The following UBE2J1 variants were observed in gnomAD, a reference collection of about 807,000 sequenced individuals.
UBE2J1 encodes the protein ubiquitin conjugating enzyme E2 J1.
Under a neutral mutation model 42.1 loss-of-function variants are expected in UBE2J1, and 17 were observed. The ratio of observed to expected loss-of-function variants is 0.40; its 90% confidence interval spans 0.28 to 0.61. The LOEUF (loss-of-function observed/expected upper bound fraction) is 0.61. Among genes scored for constraint, UBE2J1 ranks in the 20% least tolerant of loss-of-function variants. The pLI, the probability that UBE2J1 is intolerant of heterozygous loss-of-function variation, is 0.38. For missense variants in UBE2J1, 291 were observed against 389.4 expected (o/e 0.75, Z 2.13); for synonymous variants, 127 against 137.2 (o/e 0.93, Z 0.52).
At chr6:89,346,792 C>T (rs1190550808) in intron 1 of UBE2J1, among the ~76,000 whole-genome samples, 1 of 152,170 alleles carries the variant, frequency 6.6e-6, no homozygotes, top group African/African-American at 2.4e-5. Context: ...GTTGAGTCTC[C>T]TTGCTCTATG....
At chr6:89,351,068 T>TC (rs1768466467) in intron 1 of UBE2J1, among the ~76,000 whole-genome samples, 1 of 125,050 alleles carries the variant, frequency 8.0e-6, no homozygotes. Context: ...CCCGGGATTC[T>TC]CTTTTTTTTT....
At position 89,327,109 on chromosome 6, in the gene UBE2J1, G is replaced by A. The variant is rs182947183; in HGVS notation, c.*2570C>T. 13 of 152,304 alleles carry A rather than the reference G, an allele frequency of 8.5e-5. No homozygotes were observed. The East Asian group carries it at 1.7e-3, about 20-fold the overall frequency. The allele number at this position is 152,304 out of a possible 1,614,324, so 9.4% of individuals were successfully genotyped here. ...ATAAAACAATAAGCAGCATGAAAAC[G>A]TAAAGTGCTACATAAAAGCCCCACA... On this transcript the variant is annotated 3_prime_UTR_variant, in exon 8 of 8. Coordinates refer to ENST00000435041, the MANE Select transcript of UBE2J1 (RefSeq NM_016021.3).
chr6:89,347,435 C>T (rs1392136919), intron 1 of UBE2J1, among the ~76,000 whole-genome samples: 1 of 152,166 alleles, frequency 6.6e-6, no homozygotes, highest in African/African-American at 2.4e-5. Context: ...ATTTTCTCTG[C>T]CTCTTCCCTA....
intron 5 of UBE2J1, 143 bp downstream of exon 5, chr6:89,338,062 C>G (rs1768143429): frequency 1.8e-6 from 1 of 546,256 alleles, no homozygotes; most frequent in Admixed American, 3.6e-5. Flanking sequence ...AACTGAATTC[C>G]TAAAAGAGCA....
chr6:89,339,912 A>C (rs1370826851), intron 3 of UBE2J1, among the ~76,000 whole-genome samples: 1 of 151,954 alleles, frequency 6.6e-6, no homozygotes, highest in East Asian at 1.9e-4. Context: ...GCTACTCAGG[A>C]GGCTGACGTG....
chr6:89,330,236 A>G (rs1385461690), intron 7 of UBE2J1, among the ~76,000 whole-genome samples: 1 of 152,190 alleles, frequency 6.6e-6, no homozygotes, highest in Non-Finnish European at 1.5e-5. Context: ...ATTTTAACAC[A>G]TACGCTTAAT....
At chr6:89,345,475 G>A (rs1220058226) in intron 1 of UBE2J1, among the ~76,000 whole-genome samples, 4 of 152,222 alleles carry the variant, frequency 2.6e-5, no homozygotes, top group Middle Eastern at 3.4e-3. Flanking sequence ...GGTGGCGGAC[G>A]CCTGTAATCC....
At position 89,352,618 on chromosome 6, in the gene UBE2J1, C is replaced by T. The variant is rs1419884454; in HGVS notation, c.-49G>A. 5.3e-6 allele frequency: 8 copies of T among 1,523,092 alleles called. No homozygotes were observed. The highest frequency in any genetic ancestry group is 7.0e-6 in the Non-Finnish European group (8 of 1,142,262). The allele number at this position is 1,523,092 out of a possible 1,614,324, so 94.3% of individuals were successfully genotyped here. A position where few individuals can be genotyped will look rare whatever the true frequency, so the allele number is the denominator to read the frequency against. On this transcript the variant is annotated 5_prime_UTR_variant, in exon 1 of 8. Coordinates refer to ENST00000435041, the MANE Select transcript of UBE2J1 (RefSeq NM_016021.3). Reference sequence around the variant, plus strand: ...GCCTCCCGGGCCGCTGCCACCTCCTCTCCACGCGGCCGCTGCCCGGGTCTC... The same window carrying T: ...GCCTCCCGGGCCGCTGCCACCTCCTTTCCACGCGGCCGCTGCCCGGGTCTC...
At chr6:89,334,537 T>C (rs1171362361) in intron 6 of UBE2J1, among the ~76,000 whole-genome samples, 1 of 151,086 alleles carries the variant, frequency 6.6e-6, no homozygotes, top group Non-Finnish European at 1.5e-5. Context: ...AATGGCGCGA[T>C]CTCGGCTCAC....
At chr6:89,339,952 G>C (rs982760317) in intron 3 of UBE2J1, among the ~76,000 whole-genome samples, 2 of 151,880 alleles carry the variant, frequency 1.3e-5, no homozygotes, top group African/African-American at 4.8e-5. Flanking sequence ...GGACATCAAG[G>C]CTGCAGTGAG....
intron 1 of UBE2J1, among the ~76,000 whole-genome samples, chr6:89,348,512 T>C (rs969684782): frequency 1.7e-4 from 26 of 152,210 alleles, no homozygotes; most frequent in African/African-American, 4.1e-4. Context: ...AAGGAAGGCA[T>C]GCTCCCTAAC....
intron 2 of UBE2J1, among the ~76,000 whole-genome samples, chr6:89,342,845 T>C (rs1018027523): frequency 1.3e-5 from 2 of 152,342 alleles, no homozygotes; most frequent in East Asian, 1.9e-4. Flanking sequence ...TTATCCCTTA[T>C]AGATGCCTAA....
chr6:89,342,089 A>T (rs979886465), intron 3 of UBE2J1, among the ~76,000 whole-genome samples: 1 of 152,188 alleles, frequency 6.6e-6, no homozygotes. Context: ...AATTCATTGA[A>T]TCCTAACAAC....
intron 3 of UBE2J1, among the ~76,000 whole-genome samples, chr6:89,338,943 G>T (rs1395995207): frequency 6.6e-6 from 1 of 152,002 alleles, no homozygotes; most frequent in Non-Finnish European, 1.5e-5. Context: ...GGGATTACAG[G>T]CATGAGCCAC....
intron 1 of UBE2J1, 120 bp downstream of exon 1, chr6:89,352,419 G>C (rs528484019): frequency 8.5e-7 from 1 of 1,175,370 alleles, no homozygotes; most frequent in Non-Finnish European, 1.2e-6. Context: ...GTCTCGCGTA[G>C]AGCGCGAAAC....
In UBE2J1 at chr6:89,338,513, T is replaced by C; in HGVS notation, c.268A>G (p.Ile90Val). The C allele has an allele frequency of 6.3e-7, 1 of 1,594,218 alleles. No individual in the cohort carries two copies. The highest frequency in any genetic ancestry group is 8.5e-7 in the Non-Finnish European group (1 of 1,174,562). Residue 90 changes from isoleucine to valine, a missense_variant, in exon 4 of 8, where the codon ATC becomes GTC. Coordinates refer to ENST00000435041, the MANE Select transcript of UBE2J1 (RefSeq NM_016021.3). ...ANGRFEVGKK[I>V]CLSISGHHPE... ...TGATGGCCTGAGATGCTCAAACAGA[T>C]TTTCTTGCCCACTTCAAATCGACCA...
Position 89,343,601 on chromosome 6 carries a change from A to C in UBE2J1, c.105+82T>G. ...AACTACATCACACACATCTGTAATG[A>C]CTCAAAGCAATGAAAAGCAATTTTA... On this transcript the variant is annotated intron_variant, in intron 2 of 7. Coordinates refer to ENST00000435041, the MANE Select transcript of UBE2J1 (RefSeq NM_016021.3). 5.2e-6 allele frequency: 5 copies of C among 967,850 alleles called. No individual in the cohort carries two copies. The South Asian group carries it at 7.9e-5, about 15-fold the overall frequency. The allele number at this position is 967,850 out of a possible 1,614,324, so 60.0% of individuals were successfully genotyped here. A position where few individuals can be genotyped will look rare whatever the true frequency, so the allele number is the denominator to read the frequency against.
At chr6:89,344,259 C>T (rs1012087466) in intron 1 of UBE2J1, among the ~76,000 whole-genome samples, 11 of 152,174 alleles carry the variant, frequency 7.2e-5, no homozygotes. Flanking sequence ...ATCTCATGCT[C>T]GGTGAACAGG....
At chr6:89,330,281 G>T (rs1363874692) in intron 7 of UBE2J1, among the ~76,000 whole-genome samples, 1 of 151,928 alleles carries the variant, frequency 6.6e-6, no homozygotes. Context: ...TTTTAATTAG[G>T]TTCCTATGTT....
Sources: allele counts gnomAD v4.1 joint callset (sites outside exome capture counted in the v4.1 genomes callset), GRCh38; gene constraint gnomAD v4.1.1; transcripts MANE v1.5; gene names NCBI Gene and HGNC (gene_info 2026-07-23, HGNC 2026-07-21).